The following MRLN variants were observed in gnomAD, a reference collection of about 807,000 sequenced individuals.
MRLN encodes myoregulin, also known as Linc-RNA activator of myogenesis.
chr10:59,746,209 G>A (rs1841042787), intron 1 of MRLN, among the ~76,000 whole-genome samples: 1 of 152,004 alleles, frequency 6.6e-6, no homozygotes, highest in South Asian at 2.1e-4. Flanking sequence ...TTCAATCAAT[G>A]TCTAACAGTT....
intron 1 of MRLN, among the ~76,000 whole-genome samples, chr10:59,741,510 G>T (rs571589127): frequency 1.3e-5 from 2 of 152,066 alleles, no homozygotes; most frequent in Admixed American, 1.3e-4. Flanking sequence ...AGCCTCCTGC[G>T]TAGCTGGGAC....
intron 1 of MRLN, among the ~76,000 whole-genome samples, chr10:59,751,001 CT>C (rs1002590313): frequency 2.6e-5 from 4 of 152,182 alleles, no homozygotes; most frequent in African/African-American, 9.7e-5. Context: ...AATCTCTGGA[CT>C]TTTTTGAGTA....
chr10:59,746,993 T>C (rs1005463965), intron 1 of MRLN, among the ~76,000 whole-genome samples: 1 of 152,098 alleles, frequency 6.6e-6, no homozygotes, highest in African/African-American at 2.4e-5. Context: ...AGAGATGGGG[T>C]TTCTCCATGT....
intron 1 of MRLN, among the ~76,000 whole-genome samples, chr10:59,752,385 A>AGTAAACG (rs1272391008): frequency 6.6e-6 from 1 of 152,242 alleles, no homozygotes; most frequent in African/African-American, 2.4e-5. Flanking sequence ...ATATACACTG[A>AGTAAACG]GTAAACCCCA....
chr10:59,741,101 T>C (rs1245900697), intron 1 of MRLN, among the ~76,000 whole-genome samples: 1 of 152,150 alleles, frequency 6.6e-6, no homozygotes, highest in Non-Finnish European at 1.5e-5. Context: ...CCCAGCCTAT[T>C]TCTTTATTCT....
intron 1 of MRLN, among the ~76,000 whole-genome samples, chr10:59,744,576 C>A (rs1841023219): frequency 1.3e-5 from 2 of 150,882 alleles, no homozygotes; most frequent in Middle Eastern, 3.5e-3. Context: ...AGTGAGGAGC[C>A]CCTCTGCCCA....
chr10:59,751,812 A>G (rs1841106344), intron 1 of MRLN, among the ~76,000 whole-genome samples: 1 of 152,184 alleles, frequency 6.6e-6, no homozygotes, highest in African/African-American at 2.4e-5. Flanking sequence ...TTGCACAATT[A>G]AAGTTTACAG....
intron 1 of MRLN, among the ~76,000 whole-genome samples, chr10:59,743,552 AGG>A (rs1212989602): frequency 5.9e-5 from 9 of 152,152 alleles, no homozygotes; most frequent in African/African-American, 2.2e-4. Flanking sequence ...AATAATTGGA[AGG>A]ACACAAATTT....
In MRLN at chr10:59,749,675, C is replaced by CA. The variant is rs534653314; in HGVS notation, c.-125+3678dup. On this transcript the variant is annotated intron_variant, in intron 1 of 2. Transcript: ENST00000414264. ...TGCCACTAAACTCCAGCCTGGGTCT[C>CA]AAAAAAAAAACAAAACAAAACAAGC... Among the ~76,000 whole-genome samples, 432 of 142,626 alleles carry CA rather than the reference C, an allele frequency of 3.0e-3. 3 individuals are homozygous for CA. Among genetic ancestry groups the CA allele is most frequent in the African/African-American group, 6.5e-3 (253 of 38,882 alleles). 93.6% of individuals were successfully genotyped at this position (142,626 alleles called of 152,430 possible).
intron 1 of MRLN, among the ~76,000 whole-genome samples, chr10:59,750,056 CTCTCTCT>C (rs1841083722): frequency 1.4e-5 from 2 of 138,402 alleles, no homozygotes; most frequent in Admixed American, 7.7e-5. Context: ...CTCTCTCTCT[CTCTCTCT>C]TTTTTTTTTT....
intron 1 of MRLN, among the ~76,000 whole-genome samples, chr10:59,741,196 G>A (rs909837091): frequency 6.6e-6 from 1 of 152,104 alleles, no homozygotes; most frequent in African/African-American, 2.4e-5. Context: ...AAAGTCTAGA[G>A]TAGTGTACAG....
intron 1 of MRLN, among the ~76,000 whole-genome samples, chr10:59,749,802 G>A (rs1181810943): frequency 1.3e-5 from 2 of 152,146 alleles, no homozygotes; most frequent in African/African-American, 4.8e-5. Flanking sequence ...CCACTTCCTT[G>A]CAGCCCAGCC....
intron 1 of MRLN, among the ~76,000 whole-genome samples, chr10:59,745,761 G>A (rs1841037649): frequency 6.6e-6 from 1 of 152,184 alleles, no homozygotes; most frequent in South Asian, 2.1e-4. Flanking sequence ...AGGAACCCCT[G>A]GTTTCTAGGA....
At chr10:59,747,799 C>T (rs1230974124) in intron 1 of MRLN, among the ~76,000 whole-genome samples, 1 of 152,202 alleles carries the variant, frequency 6.6e-6, no homozygotes, top group East Asian at 1.9e-4. Flanking sequence ...CACTCTCCGA[C>T]ACTAATTAGT....
At chr10:59,745,440 G>A (rs1841033588) in intron 1 of MRLN, among the ~76,000 whole-genome samples, 1 of 150,410 alleles carries the variant, frequency 6.6e-6, no homozygotes, top group Admixed American at 6.6e-5. Flanking sequence ...GTTATTTTGG[G>A]TCAGATTTTT....
At chr10:59,744,419 C>T (rs369747364) in intron 1 of MRLN, among the ~76,000 whole-genome samples, 6 of 151,698 alleles carry the variant, frequency 4.0e-5, no homozygotes, top group Non-Finnish European at 5.9e-5. Context: ...GGACCCCCTC[C>T]GCCCGGCAGC....
intron 1 of MRLN, among the ~76,000 whole-genome samples, chr10:59,750,476 C>T (rs1841090899): frequency 2.0e-5 from 3 of 152,272 alleles, no homozygotes; most frequent in Admixed American, 1.3e-4. Flanking sequence ...CTAAAAAGAA[C>T]AATTTTTCTA....
At chr10:59,751,669 CAAAAA>C (rs10652105) in intron 1 of MRLN, among the ~76,000 whole-genome samples, 2 of 82,438 alleles carry the variant, frequency 2.4e-5, no homozygotes, top group Non-Finnish European at 4.3e-5. Context: ...GACTCTGTCT[CAAAAA>C]AAAAAAAAAA....
At position 59,753,383 on chromosome 10, in the gene MRLN, A is replaced by G. The variant is rs988276351; in HGVS notation, c.-154T>C. ...CAGGGGTTCAATAAGCGAAGTCCAA[A>G]GTCAAGGGAATGATCTCTCTCTTTT... is the stretch of plus-strand genomic sequence containing the variant. On this transcript the variant is annotated 5_prime_UTR_variant, in exon 1 of 3. Coordinates refer to ENST00000414264, the MANE Select transcript of MRLN (RefSeq NM_001304731.2). 7 of 152,154 alleles carry G rather than the reference A, an allele frequency of 4.6e-5. No homozygotes were observed. The highest frequency in any genetic ancestry group is 1.4e-4 in the African/African-American group (6 of 41,422). The allele number at this position is 152,154 out of a possible 1,614,324, so 9.4% of individuals were successfully genotyped here.
Sources: allele counts gnomAD v4.1 joint callset (sites outside exome capture counted in the v4.1 genomes callset), GRCh38; gene constraint gnomAD v4.1.1; transcripts MANE v1.5; gene names NCBI Gene and HGNC (gene_info 2026-07-23, HGNC 2026-07-21).